The following ZNF584 variants were observed in gnomAD, a reference collection of about 807,000 sequenced individuals.
ZNF584 encodes the protein zinc finger protein 584.
In ZNF584, 12 loss-of-function variants were observed where a neutral mutation model predicts 14.7. The observed-to-expected ratio is 0.82, with a 90% CI of 0.52 to 1.32. The LOEUF (loss-of-function observed/expected upper bound fraction) is 1.32, where lower values mean the gene tolerates loss of function less well. ZNF584 is among the 40% of genes most tolerant of loss of function. ZNF584 has a pLI of 0.00. For synonymous variants in ZNF584, 204 were observed against 190.9 expected (o/e 1.07, Z -0.57); for missense variants, 478 against 518.8 (o/e 0.92, Z 0.76).
At chr19:58,404,229 A>ATTT (rs59683660), upstream of ZNF584, 2 of 147,238 alleles carry the variant, frequency 1.4e-5, no homozygotes, top group Non-Finnish European at 2.9e-5. Flanking sequence ...AGAGGAACAG[A>ATTT]TTTTTTTTTT....
At chr19:58,403,656 G>A (rs1378670361), upstream of ZNF584, among the ~76,000 whole-genome samples, 1 of 152,110 alleles carries the variant, frequency 6.6e-6, no homozygotes, top group Non-Finnish European at 1.5e-5. Flanking sequence ...TAATAATAAT[G>A]TACTAATATT....
At position 58,410,518 on chromosome 19, in the gene ZNF584, A is replaced by AATAT. The variant is rs1156543028; in HGVS notation, c.169+464_169+467dup. 4.0e-3 allele frequency among the ~76,000 whole-genome samples: 311 copies of AATAT among 77,022 alleles called. 8 individuals carry two copies. The highest frequency in any genetic ancestry group is 8.7e-3 in the East Asian group (17 of 1,946). The allele number at this position is 77,022 out of a possible 152,430, so 50.5% of individuals were successfully genotyped here. A position where few individuals can be genotyped will look rare whatever the true frequency, so the allele number is the denominator to read the frequency against. ...GAATTTTAATCAGAACGGTTTGGGAAATATATATATATATATATATATATA... is the reference window on the plus strand; with the variant it reads ...GAATTTTAATCAGAACGGTTTGGGAAATATATATATATATATATATATATATATA... On this transcript the variant is annotated intron_variant, in intron 2 of 3. Coordinates refer to ENST00000306910, the MANE Select transcript of ZNF584 (RefSeq NM_173548.3).
intron 2 of ZNF584, among the ~76,000 whole-genome samples, chr19:58,412,475 C>G (rs1047093739): frequency 1.3e-5 from 2 of 151,944 alleles, no homozygotes; most frequent in African/African-American, 4.8e-5. Context: ...TCCCAAAGTG[C>G]TGGGATTACA....
chr19:58,404,391 T>C (rs984350066), upstream of ZNF584: 1 of 152,694 alleles, frequency 6.5e-6, no homozygotes, highest in South Asian at 1.9e-4. Context: ...CCTTCCGCAG[T>C]GTTTGTGTCC....
chr19:58,416,111 T>C, intron 3 of ZNF584: 1 of 673,734 alleles, frequency 1.5e-6, no homozygotes, highest in South Asian at 2.0e-5. Flanking sequence ...CCCACCTCTC[T>C]TCCCTGCACC....
chr19:58,415,009 A>C (rs113444343), intron 2 of ZNF584, among the ~76,000 whole-genome samples: 39 of 151,028 alleles, frequency 2.6e-4, no homozygotes, highest in African/African-American at 8.8e-4. Flanking sequence ...TCTCCTGCCT[A>C]AGCCTCCCGA....
chr19:58,410,225 TGGGACTCGGTGGTG>T (rs1366803331), intron 2 of ZNF584, 134 bp downstream of exon 2: 1 of 1,170,106 alleles, frequency 8.5e-7, no homozygotes, highest in African/African-American at 1.9e-5. Flanking sequence ...TTGTGGGTGG[TGGGACTCGGTGGTG>T]GGACTCGGCG....
intron 2 of ZNF584, among the ~76,000 whole-genome samples, chr19:58,414,505 A>AT (rs35228695): frequency 1.6e-3 from 240 of 148,766 alleles, no homozygotes; most frequent in East Asian, 5.0e-3. Context: ...TGCCCGGGTA[A>AT]TTTTTTTTTT....
At chr19:58,410,680 T>C (rs1468982725) in intron 2 of ZNF584, among the ~76,000 whole-genome samples, 1 of 55,404 alleles carries the variant, frequency 1.8e-5, no homozygotes, top group African/African-American at 1.4e-4. Flanking sequence ...TATGTGTATA[T>C]ATATGTATAT....
At chr19:58,413,920 G>A (rs569316168) in intron 2 of ZNF584, among the ~76,000 whole-genome samples, 14 of 151,934 alleles carry the variant, frequency 9.2e-5, no homozygotes, top group African/African-American at 3.4e-4. Flanking sequence ...CTGGATTCAT[G>A]CCATTCTCCT....
In ZNF584 at chr19:58,409,012, C is replaced by T. The variant is rs2052504804; in HGVS notation, c.-136C>T. On this transcript the variant is annotated 5_prime_UTR_variant, in exon 1 of 4. Transcript: ENST00000306910. ...TCCCAGCGGCTCCGGGAAGCGGTTC[C>T]CTGTCTTCGGACGCATTTCACCCGC... 2 of 1,165,762 alleles carry T rather than the reference C, an allele frequency of 1.7e-6. No individual in the cohort carries two copies. The highest frequency in any genetic ancestry group is 3.5e-5 in the South Asian group (2 of 56,642). 72.2% of individuals were successfully genotyped at this position (1,165,762 alleles called of 1,614,324 possible).
chr19:58,407,525 C>T (rs2052484059), upstream of ZNF584, among the ~76,000 whole-genome samples: 1 of 152,218 alleles, frequency 6.6e-6, no homozygotes, highest in African/African-American at 2.4e-5. Context: ...CACTCAGCCA[C>T]TTGTTAGAGG....
intron 2 of ZNF584, among the ~76,000 whole-genome samples, chr19:58,411,810 A>C (rs2052576145): frequency 6.7e-6 from 1 of 149,448 alleles, no homozygotes; most frequent in African/African-American, 2.5e-5. Flanking sequence ...CGCCCAGCTA[A>C]TTTTTGTATT....
chr19:58,410,592 T>C (rs1389764142), intron 2 of ZNF584, among the ~76,000 whole-genome samples: 1 of 37,736 alleles, frequency 2.6e-5, no homozygotes, highest in South Asian at 5.9e-4. Context: ...TGTATATATA[T>C]GTATATATAT....
intron 2 of ZNF584, among the ~76,000 whole-genome samples, chr19:58,414,017 T>C (rs1268004808): frequency 6.6e-6 from 1 of 151,492 alleles, no homozygotes; most frequent in Non-Finnish European, 1.5e-5. Flanking sequence ...GAGACGGGGC[T>C]TCACTGTGTT....
chr19:58,412,197 G>GCCTTTTTTTTTTTT (rs1225346355), intron 2 of ZNF584, among the ~76,000 whole-genome samples: 1 of 97,980 alleles, frequency 1.0e-5, no homozygotes, highest in African/African-American at 5.6e-5. Flanking sequence ...GGCCAGGGTG[G>GCCTTTTTTTTTTTT]TCTTTTTTTT....
upstream of ZNF584, chr19:58,405,705 A>T (rs944877283): frequency 5.8e-6 from 1 of 173,516 alleles, no homozygotes; most frequent in Non-Finnish European, 1.2e-5. Context: ...CACATCCCGG[A>T]CGGGGCGGCA....
chr19:58,413,416 G>A (rs140474438), intron 2 of ZNF584, among the ~76,000 whole-genome samples: 1,968 of 151,890 alleles, frequency 0.013, 33 homozygotes, highest in African/African-American at 0.044. Context: ...TGCGATCTCG[G>A]CTCAATGCAA....
rs750834923 is a variant in ZNF584 at position 58,417,309 on chromosome 19, A to T, written c.791A>T (p.His264Leu). The T allele has an allele frequency of 6.2e-7, 1 of 1,614,248 alleles. No homozygotes were observed. Among genetic ancestry groups the T allele is most frequent in the Non-Finnish European group, 8.5e-7 (1 of 1,180,034 alleles). ...GCACTTGTTCTACACCAGAGGATTC[A>T]CACTGGAGAAAGGCCTTACGAGTGC... ...KDALVLHQRI[H>L]TGERPYECSK... The change falls in exon 4 of 4, where the codon CAC becomes CTC. Residue 264 changes from histidine (H) to leucine (L), a missense_variant. His to Leu is a moderately conservative substitution (Grantham distance 99). Around this residue, in one of 3 missense-constraint regions of ZNF584, gnomAD observed 283 missense variants for 317.3 expected, o/e 0.89. Coordinates refer to ENST00000306910, the MANE Select transcript of ZNF584 (RefSeq NM_173548.3).
Sources: allele counts gnomAD v4.1 joint callset (sites outside exome capture counted in the v4.1 genomes callset), GRCh38; gene constraint gnomAD v4.1.1; regional missense constraint gnomAD v4.1.1; transcripts MANE v1.5; gene names NCBI Gene and HGNC (gene_info 2026-07-23, HGNC 2026-07-21).